GNPTAB: variants seen among roughly 807,000 people sequenced by gnomAD.
GNPTAB encodes the protein N-acetylglucosamine-1-phosphotransferase subunits alpha/beta.
GNPTAB carries 92 observed loss-of-function variants against 136.6 expected under a neutral mutation model. That is an observed-to-expected ratio of 0.67 (90% CI 0.57 to 0.80). The LOEUF (loss-of-function observed/expected upper bound fraction) is 0.80. Among genes scored for constraint, GNPTAB ranks in the 30% least tolerant of loss-of-function variants. The pLI is 0.00. For missense variants in GNPTAB, 1,343 were observed against 1,501.8 expected, an observed-to-expected ratio of 0.89 and a Z score of 1.75; for synonymous variants, 512 against 535.1, an observed-to-expected ratio of 0.96 and a Z score of 0.60.
At position 101,761,121 on chromosome 12, in the gene GNPTAB, C is replaced by T. The variant is rs749671920; in HGVS notation, c.3135+6G>A. Reference sequence around the variant, plus strand: ...TCAAAAAGTTTAGAATAAGACAATACAACACCTGCAAACTTAACGGCAGTT... The same window carrying T: ...TCAAAAAGTTTAGAATAAGACAATATAACACCTGCAAACTTAACGGCAGTT... On this transcript the variant is annotated splice_donor_region_variant and intron_variant, in intron 15 of 20. Transcript: ENST00000299314. 17 of 1,598,712 alleles carry T rather than the reference C, an allele frequency of 1.1e-5. No individual in the cohort carries two copies. Among genetic ancestry groups the T allele is most frequent in the Admixed American group, 1.0e-4 (6 of 59,982 alleles).
chr12:101,752,089 C>T (rs1262216095), intron 19 of GNPTAB, among the ~76,000 whole-genome samples: 1 of 151,348 alleles, frequency 6.6e-6, no homozygotes, highest in Non-Finnish European at 1.5e-5. Context: ...ATTATTCCCA[C>T]AGTAGATACT....
chr12:101,824,937 C>A (rs1265512634), intron 1 of GNPTAB, among the ~76,000 whole-genome samples: 2 of 152,150 alleles, frequency 1.3e-5, no homozygotes, highest in African/African-American at 4.8e-5. Context: ...CAACTTTATG[C>A]TAAAATTACT....
At chr12:101,808,682 C>T (rs1870068393) in intron 1 of GNPTAB, among the ~76,000 whole-genome samples, 1 of 152,180 alleles carries the variant, frequency 6.6e-6, no homozygotes, top group Admixed American at 6.5e-5. Flanking sequence ...TGTGGTGGCT[C>T]ATGCCTGTAA....
chr12:101,824,442 T>C lies in GNPTAB; in HGVS notation c.117+6117A>G, dbSNP rs1279298170. On this transcript the variant is annotated intron_variant, in intron 1 of 20. Transcript: ENST00000299314. ...TATATATATATATATATTTTCTTTT[T>C]TTTTTTTTTTTTTTTGGTTAACCTT... is the stretch of plus-strand genomic sequence containing the variant. Among the ~76,000 whole-genome samples, 95 of 99,226 alleles carry C rather than the reference T, an allele frequency of 9.6e-4. 1 individual carries two copies. Among genetic ancestry groups the C allele is most frequent in the East Asian group, 6.4e-3 (12 of 1,888 alleles). 65.1% of individuals were successfully genotyped at this position (99,226 alleles called of 152,430 possible).
intron 19 of GNPTAB, among the ~76,000 whole-genome samples, chr12:101,749,530 C>T (rs868056766): frequency 5.9e-5 from 9 of 152,152 alleles, no homozygotes; most frequent in African/African-American, 1.9e-4. Flanking sequence ...ATACTTCCTG[C>T]GTATATGGAG....
chr12:101,800,551 G>C (rs1168064004), intron 1 of GNPTAB, among the ~76,000 whole-genome samples: 1 of 143,086 alleles, frequency 7.0e-6, no homozygotes, highest in Non-Finnish European at 1.5e-5. Flanking sequence ...TTGAGGTCAG[G>C]AGTTCAAGAT....
intron 1 of GNPTAB, among the ~76,000 whole-genome samples, chr12:101,805,159 A>G (rs1381581548): frequency 6.6e-6 from 1 of 152,198 alleles, no homozygotes. Flanking sequence ...CAGAAGCCAA[A>G]CTAGTCAAAT....
intron 7 of GNPTAB, among the ~76,000 whole-genome samples, chr12:101,772,288 G>T (rs1043818517): frequency 6.6e-6 from 1 of 152,134 alleles, no homozygotes; most frequent in South Asian, 2.1e-4. Context: ...AAGAGCTTAC[G>T]GTCTTCTTTC....
At position 101,752,448 on chromosome 12, in the gene GNPTAB, G is replaced by A. The variant is rs1594203120; in HGVS notation, c.3602+924C>T. 2.0e-5 allele frequency among the ~76,000 whole-genome samples: 3 copies of A among 151,922 alleles called. No homozygotes were observed. In the South Asian group the frequency reaches 6.2e-4, roughly 31 times the overall value. ...AAAACAAAACAAAACAAAACAAACT[G>A]CTTAACCTAATCCTTTACTCATTAT... On this transcript the variant is annotated intron_variant, in intron 19 of 20. Transcript: ENST00000299314.
At chr12:101,762,748 T>C (rs1039517745) in intron 13 of GNPTAB, among the ~76,000 whole-genome samples, 1 of 152,090 alleles carries the variant, frequency 6.6e-6, no homozygotes, top group Non-Finnish European at 1.5e-5. Context: ...TATGTTTGCA[T>C]AGCTATAGAA....
chr12:101,818,446 C>T (rs1188570926), intron 1 of GNPTAB, among the ~76,000 whole-genome samples: 6 of 149,746 alleles, frequency 4.0e-5, no homozygotes, highest in Non-Finnish European at 8.9e-5. Context: ...AGCACGATCT[C>T]GGCTCACCAC....
chr12:101,776,972 C>T (rs1349485380), intron 7 of GNPTAB, among the ~76,000 whole-genome samples: 1 of 152,228 alleles, frequency 6.6e-6, no homozygotes, highest in Non-Finnish European at 1.5e-5. Flanking sequence ...CTCTGACATG[C>T]GACGTACACC....
At position 101,830,844 on chromosome 12, in the gene GNPTAB, G is replaced by A. The variant is rs1325727376; in HGVS notation, c.-169C>T. The stretch of plus-strand genomic sequence containing the variant: ...GCGACGGACGCCCGCTCGGCTCCGC[G>A]CCGCGGCCGCCGCTTCCGGGAGCCG... On this transcript the variant is annotated 5_prime_UTR_variant, in exon 1 of 21. Coordinates refer to ENST00000299314, the MANE Select transcript of GNPTAB (RefSeq NM_024312.5). 1.2e-5 allele frequency: 2 copies of A among 170,036 alleles called. No individual in the cohort carries two copies. Among genetic ancestry groups the A allele is most frequent in the Non-Finnish European group, 2.5e-5 (2 of 79,802 alleles). The allele number at this position is 170,036 out of a possible 1,614,324, so 10.5% of individuals were successfully genotyped here. A position where few individuals can be genotyped will look rare whatever the true frequency, so the allele number is the denominator to read the frequency against.
At chr12:101,757,334 G>C in intron 17 of GNPTAB, 24 bp from the exon 18 acceptor site, 3 of 1,340,992 alleles carry the variant, frequency 2.2e-6, no homozygotes, top group Non-Finnish European at 3.2e-6. Flanking sequence ...CATATTTGAA[G>C]AGTTTAAATA....
chr12:101,809,574 CAAAGA>C (rs1305248465), intron 1 of GNPTAB, among the ~76,000 whole-genome samples: 1 of 151,998 alleles, frequency 6.6e-6, no homozygotes, highest in African/African-American at 2.4e-5. Flanking sequence ...TTCAGTGCTA[CAAAGA>C]AAAGAGCCAT....
intron 18 of GNPTAB, among the ~76,000 whole-genome samples, chr12:101,755,816 T>C (rs927636118): frequency 6.6e-6 from 1 of 152,224 alleles, no homozygotes; most frequent in African/African-American, 2.4e-5. Flanking sequence ...TGGCAAACTG[T>C]GGAAAAAGCC....
At chr12:101,759,743 C>T (rs554573887) in intron 16 of GNPTAB, among the ~76,000 whole-genome samples, 2 of 152,300 alleles carry the variant, frequency 1.3e-5, no homozygotes, top group East Asian at 3.9e-4. Context: ...ATTGTTCTCT[C>T]TGGCCAATGA....
Position 101,764,459 on chromosome 12 carries a change from T to C in GNPTAB, c.2458A>G (p.Thr820Ala). Reference protein sequence around the residue: ...LETTARFRVETHTQKTIGGNV... With the variant: ...LETTARFRVEAHTQKTIGGNV... ...CCGCCTATGGTTTTTTGGGTGTGAG[T>C]TTCCACTCTAAATCTTGCTGTGGTC... Residue 820 changes from threonine (T) to alanine (A), a missense_variant, in exon 13 of 21, where the codon ACT becomes GCT. Thr to Ala is a moderately conservative substitution (Grantham distance 58). Coordinates refer to ENST00000299314, the MANE Select transcript of GNPTAB (RefSeq NM_024312.5). 6.2e-7 allele frequency: 1 copy of C among 1,613,710 alleles called. No individual in the cohort carries two copies. The highest frequency in any genetic ancestry group is 8.5e-7 in the Non-Finnish European group (1 of 1,180,026).
intron 4 of GNPTAB, 75 bp from the exon 5 acceptor site, chr12:101,786,292 T>A: frequency 8.2e-7 from 1 of 1,218,066 alleles, no homozygotes; most frequent in Non-Finnish European, 1.2e-6. Flanking sequence ...GTCATACTAC[T>A]AAATTTTTCA....
Sources: gnomAD v4.1 joint callset for allele counts (sites outside exome capture counted in the v4.1 genomes callset) on GRCh38, gnomAD v4.1.1 for gene constraint, MANE v1.5 for transcripts, NCBI Gene and HGNC (gene_info 2026-07-23, HGNC 2026-07-21) for gene names.